Variants in GATAD2A observed in about 807,000 individuals in gnomAD.
The protein encoded by GATAD2A is GATA zinc finger domain containing 2A.
Under a neutral mutation model 68.5 loss-of-function variants are expected in GATAD2A, and 12 were observed. The observed-to-expected ratio is 0.18, with a 90% CI of 0.11 to 0.28. The LOEUF is 0.28. Among genes scored for constraint, GATAD2A ranks in the 10% least tolerant of loss-of-function variants. The pLI, the probability that GATAD2A is intolerant of heterozygous loss-of-function variation, is 1.00. For synonymous variants in GATAD2A, 410 were observed against 375.3 expected (o/e 1.09, Z -1.07); for missense variants, 755 against 868.5 (o/e 0.87, Z 1.64).
chr19:19,443,839 A>G lies in GATAD2A; in HGVS notation c.-6-21501A>G, dbSNP rs1013246458. ...GCTGAGGTAGAGGCCACTTGGGGGT[A>G]GTTTAGGAGACCACTTGGGAGTAGT... is the stretch of plus-strand genomic sequence containing the variant. On this transcript the variant is annotated intron_variant, in intron 1 of 11. Transcript: ENST00000683918. Among the ~76,000 whole-genome samples the G allele has an allele frequency of 5.3e-5, 8 of 152,066 alleles. 1 individual carries two copies. Among genetic ancestry groups the G allele is most frequent in the Admixed American group, 6.5e-5 (1 of 15,274 alleles).
chr19:19,448,030 G>A (rs1381128207), intron 1 of GATAD2A, among the ~76,000 whole-genome samples: 1 of 152,220 alleles, frequency 6.6e-6, no homozygotes, highest in African/African-American at 2.4e-5. Flanking sequence ...ATTTTGTGAT[G>A]TGACGCCTGA....
intron 2 of GATAD2A, among the ~76,000 whole-genome samples, chr19:19,471,506 T>TA (rs2058311404): frequency 6.6e-6 from 1 of 150,906 alleles, no homozygotes; most frequent in Admixed American, 6.6e-5. Context: ...AGTGGTTGAC[T>TA]AGGACAGGGC....
At chr19:19,421,928 T>G (rs1016397295) in intron 1 of GATAD2A, among the ~76,000 whole-genome samples, 1 of 152,026 alleles carries the variant, frequency 6.6e-6, no homozygotes, top group Non-Finnish European at 1.5e-5. Context: ...TTCAAGCAGT[T>G]CTCCTGCCCC....
intron 1 of GATAD2A, among the ~76,000 whole-genome samples, chr19:19,448,316 G>T (rs925350789): frequency 4.6e-5 from 7 of 152,238 alleles, no homozygotes; most frequent in African/African-American, 1.7e-4. Context: ...CTCTGGGGCC[G>T]CAGGGTTGGG....
chr19:19,441,213 C>G, intron 1 of GATAD2A, among the ~76,000 whole-genome samples: 1 of 151,842 alleles, frequency 6.6e-6, no homozygotes, highest in African/African-American at 2.4e-5. Flanking sequence ...CGGCTAAAAA[C>G]AACTTTCTTA....
chr19:19,427,143 A>G (rs1568274861), intron 1 of GATAD2A, among the ~76,000 whole-genome samples: 1 of 151,924 alleles, frequency 6.6e-6, no homozygotes, highest in Non-Finnish European at 1.5e-5. Context: ...GGGCAGAGAG[A>G]TGAGAGTGAG....
chr19:19,473,022 T>C (rs2058425487), intron 2 of GATAD2A, among the ~76,000 whole-genome samples: 1 of 152,220 alleles, frequency 6.6e-6, no homozygotes, highest in Non-Finnish European at 1.5e-5. Context: ...GCTCACCGTC[T>C]CCATTTCCTT....
chr19:19,426,316 A>C (rs913038650), intron 1 of GATAD2A, among the ~76,000 whole-genome samples: 2 of 152,110 alleles, frequency 1.3e-5, no homozygotes, highest in African/African-American at 4.8e-5. Flanking sequence ...TTTGTACCCA[A>C]GATGAGCTAG....
chr19:19,475,449 C>T (rs1053318391), intron 2 of GATAD2A, among the ~76,000 whole-genome samples: 4 of 150,640 alleles, frequency 2.7e-5, no homozygotes, highest in African/African-American at 7.3e-5. Context: ...CAGGGGGCTC[C>T]GGAGCGGGGT....
At chr19:19,434,887 G>A (rs2965183) in intron 1 of GATAD2A, among the ~76,000 whole-genome samples, 66,019 of 151,950 alleles carry the variant, frequency 0.43, 15,709 homozygotes, top group African/African-American at 0.63. Flanking sequence ...AAGCCCTCTC[G>A]GTCTGGAGGG....
intron 1 of GATAD2A, among the ~76,000 whole-genome samples, chr19:19,433,508 T>A (rs1423221858): frequency 6.6e-6 from 1 of 152,220 alleles, no homozygotes; most frequent in East Asian, 1.9e-4. Flanking sequence ...TTGCATTGAA[T>A]CTGTAGATCA....
At chr19:19,470,869 C>T (rs2058251641) in intron 2 of GATAD2A, among the ~76,000 whole-genome samples, 1 of 152,210 alleles carries the variant, frequency 6.6e-6, no homozygotes, top group Non-Finnish European at 1.5e-5. Context: ...TAGTTGTAAA[C>T]TTACCGTATG....
chr19:19,484,617 C>G (rs1166654656), intron 2 of GATAD2A, among the ~76,000 whole-genome samples: 1 of 145,690 alleles, frequency 6.9e-6, no homozygotes. Flanking sequence ...CCTGCAGGCT[C>G]TGCCCCCCGG....
chr19:19,410,630 T>C (rs1333161561), intron 1 of GATAD2A, among the ~76,000 whole-genome samples: 4 of 152,224 alleles, frequency 2.6e-5, no homozygotes, highest in Admixed American at 6.5e-5. Flanking sequence ...TTAAAAATAC[T>C]GCTGCATTAT....
Position 19,431,693 on chromosome 19 carries a change from CAAAAAAA to C in GATAD2A, c.-7+25687_-7+25693del, listed in dbSNP as rs538655876. 6.6e-5 allele frequency among the ~76,000 whole-genome samples: 6 copies of C among 90,322 alleles called. No homozygotes were observed. In the South Asian group the frequency reaches 2.0e-3, roughly 30 times the overall value. The allele number at this position is 90,322 out of a possible 152,430, so 59.3% of individuals were successfully genotyped here. A position where few individuals can be genotyped will look rare whatever the true frequency, so the allele number is the denominator to read the frequency against. ...TGAGCAACAGACCAAGACTTGGTCT[CAAAAAAA>C]AAAAAAAAAAAATTTACTAAGCACC... is the stretch of plus-strand genomic sequence containing the variant. On this transcript the variant is annotated intron_variant, in intron 1 of 11. Coordinates refer to ENST00000683918, the MANE Select transcript of GATAD2A (RefSeq NM_001384528.1).
intron 1 of GATAD2A, among the ~76,000 whole-genome samples, chr19:19,429,860 G>T (rs2053538006): frequency 6.6e-6 from 1 of 152,024 alleles, no homozygotes; most frequent in South Asian, 2.1e-4. Flanking sequence ...TCTCTAGTCT[G>T]CCAAGTCATA....
chr19:19,473,344 T>A (rs1445461931), intron 2 of GATAD2A, among the ~76,000 whole-genome samples: 2 of 152,008 alleles, frequency 1.3e-5, no homozygotes. Context: ...TTGGCTTTAG[T>A]TTTTTTTGGC....
intron 2 of GATAD2A, among the ~76,000 whole-genome samples, chr19:19,467,075 T>TTAA (rs2057924474): frequency 6.6e-6 from 1 of 152,300 alleles, no homozygotes; most frequent in Admixed American, 6.5e-5. Flanking sequence ...AAGTTAAGTG[T>TTAA]TAAAGAAACT....
intron 2 of GATAD2A, among the ~76,000 whole-genome samples, chr19:19,477,011 C>T (rs1167278758): frequency 6.6e-6 from 1 of 152,112 alleles, no homozygotes; most frequent in Non-Finnish European, 1.5e-5. Context: ...CTCTGTGTGG[C>T]CTGGGATAGT....
Sources: allele counts gnomAD v4.1 joint callset (sites outside exome capture counted in the v4.1 genomes callset), GRCh38; gene constraint gnomAD v4.1.1; transcripts MANE v1.5; gene names NCBI Gene and HGNC (gene_info 2026-07-23, HGNC 2026-07-21).